The following SAMMSON variants were observed in gnomAD, a reference collection of about 807,000 sequenced individuals.
SAMMSON encodes the protein long intergenic non-protein coding RNA 1212.
chr3:70,114,031 T>C (rs549645733), intron 4 of SAMMSON, among the ~76,000 whole-genome samples: 17 of 152,326 alleles, frequency 1.1e-4, no homozygotes, highest in African/African-American at 4.1e-4. Flanking sequence ...TATTTTGTTA[T>C]AGGAGCCTGA....
At chr3:70,035,265 C>G (rs1390601020) in intron 3 of SAMMSON, among the ~76,000 whole-genome samples, 1 of 152,120 alleles carries the variant, frequency 6.6e-6, no homozygotes, top group Non-Finnish European at 1.5e-5. Context: ...ATGTGTCCCC[C>G]AGCCCCTTCT....
intron 4 of SAMMSON, among the ~76,000 whole-genome samples, chr3:70,106,951 A>G (rs985052786): frequency 1.3e-5 from 2 of 152,218 alleles, no homozygotes; most frequent in Non-Finnish European, 2.9e-5. Context: ...TGCAAATACT[A>G]CTTCCAATCT....
At chr3:70,012,164 A>G (rs1364368881) in intron 1 of SAMMSON, among the ~76,000 whole-genome samples, 2 of 152,124 alleles carry the variant, frequency 1.3e-5, no homozygotes, top group African/African-American at 4.8e-5. Context: ...TTCAAGCAGC[A>G]GTGTCTGTTG....
At chr3:70,112,802 G>A (rs1217646562) in intron 4 of SAMMSON, among the ~76,000 whole-genome samples, 1 of 152,158 alleles carries the variant, frequency 6.6e-6, no homozygotes, top group African/African-American at 2.4e-5. Context: ...TCTTTCAAAA[G>A]ATGGATTTTA....
At chr3:70,187,914 C>G (rs1701104118) in intron 4 of SAMMSON, among the ~76,000 whole-genome samples, 1 of 152,104 alleles carries the variant, frequency 6.6e-6, no homozygotes, top group African/African-American at 2.4e-5. Context: ...ATGCGGTTCA[C>G]TTTGTCTCCC....
intron 6 of SAMMSON, among the ~76,000 whole-genome samples, chr3:70,286,101 G>C (rs1335506024): frequency 6.6e-6 from 1 of 152,196 alleles, no homozygotes; most frequent in Admixed American, 6.5e-5. Context: ...TGCTGCCATT[G>C]CTTTTGGTGT....
At chr3:70,191,011 A>C (rs1006852021) in intron 4 of SAMMSON, among the ~76,000 whole-genome samples, 3 of 152,218 alleles carry the variant, frequency 2.0e-5, no homozygotes, top group African/African-American at 7.2e-5. Flanking sequence ...ACGTTAATGC[A>C]GCTTTCTGCA....
intron 4 of SAMMSON, among the ~76,000 whole-genome samples, chr3:70,237,299 G>A (rs998598488): frequency 3.3e-5 from 5 of 152,254 alleles, no homozygotes; most frequent in South Asian, 4.1e-4. Context: ...CCACAATATA[G>A]ACAGACCTCT....
chr3:70,185,920 T>C (rs1348494563), intron 4 of SAMMSON, among the ~76,000 whole-genome samples: 1 of 152,016 alleles, frequency 6.6e-6, no homozygotes, highest in African/African-American at 2.4e-5. Flanking sequence ...GAGGCTGCAG[T>C]GAACCATGAC....
intron 9 of SAMMSON, among the ~76,000 whole-genome samples, chr3:70,385,635 A>T (rs1703115709): frequency 6.6e-6 from 1 of 152,066 alleles, no homozygotes; most frequent in African/African-American, 2.4e-5. Flanking sequence ...AGGTTGCAGC[A>T]ATAGTCTGTC....
At chr3:70,376,956 G>T (rs1479723358) in intron 9 of SAMMSON, among the ~76,000 whole-genome samples, 4 of 151,966 alleles carry the variant, frequency 2.6e-5, no homozygotes, top group African/African-American at 7.2e-5. Flanking sequence ...AATAACTGCA[G>T]AAATATTCTT....
intron 4 of SAMMSON, among the ~76,000 whole-genome samples, chr3:70,242,196 T>A (rs568173168): frequency 1.3e-5 from 2 of 152,202 alleles, no homozygotes; most frequent in African/African-American, 4.8e-5. Context: ...TTCTGGAGTA[T>A]CTTTCCAACC....
chr3:70,051,934 G>A (rs2067148041), intron 3 of SAMMSON, among the ~76,000 whole-genome samples: 1 of 151,638 alleles, frequency 6.6e-6, no homozygotes. Context: ...TGTGTCTTTA[G>A]AAAAAAATTA....
At chr3:70,072,205 G>A (rs557298087) in intron 4 of SAMMSON, 4 of 151,720 alleles carry the variant, frequency 2.6e-5, no homozygotes, top group African/African-American at 9.7e-5. Flanking sequence ...GGTTTTTTCT[G>A]GGTTTACTGA....
At chr3:70,193,420 A>C (rs1701146654) in intron 4 of SAMMSON, among the ~76,000 whole-genome samples, 1 of 152,142 alleles carries the variant, frequency 6.6e-6, no homozygotes, top group Non-Finnish European at 1.5e-5. Context: ...CAGCCTCCTG[A>C]GTGGCTAAGA....
At chr3:70,043,201 G>T (rs2067112110) in intron 3 of SAMMSON, among the ~76,000 whole-genome samples, 1 of 152,012 alleles carries the variant, frequency 6.6e-6, no homozygotes, top group Non-Finnish European at 1.5e-5. Flanking sequence ...GATTAGTTAT[G>T]CAAGCCTGGC....
intron 3 of SAMMSON, among the ~76,000 whole-genome samples, chr3:70,038,896 T>C (rs990906063): frequency 6.6e-6 from 1 of 151,970 alleles, no homozygotes; most frequent in Admixed American, 6.6e-5. Context: ...GGCTGAGGAG[T>C]TGAATAAAAC....
chr3:70,216,644 C>T (rs1051606004), intron 4 of SAMMSON, among the ~76,000 whole-genome samples: 3 of 151,920 alleles, frequency 2.0e-5, no homozygotes, highest in African/African-American at 4.8e-5. Context: ...TAGATGTTAC[C>T]GTTGTATAGT....
At chr3:70,131,607 T>TA (rs2067483042) in intron 4 of SAMMSON, among the ~76,000 whole-genome samples, 4 of 152,014 alleles carry the variant, frequency 2.6e-5, no homozygotes, top group Admixed American at 2.6e-4. Context: ...TAAAAAAAAA[T>TA]AGAGGGTTTC....
Sources: allele counts gnomAD v4.1 joint callset (sites outside exome capture counted in the v4.1 genomes callset), GRCh38; gene constraint gnomAD v4.1.1; transcripts MANE v1.5; gene names NCBI Gene and HGNC (gene_info 2026-07-23, HGNC 2026-07-21).